ADAMTSL1: variants seen among roughly 807,000 people sequenced by gnomAD.
ADAMTSL1 encodes ADAMTS-like protein 1.
ADAMTSL1 carries 126 observed loss-of-function variants against 201.8 expected under a neutral mutation model. That is an observed-to-expected ratio of 0.62 (90% CI 0.54 to 0.72). The LOEUF is 0.72. ADAMTSL1 is among the 30% of genes least tolerant of loss of function. The probability of loss-of-function intolerance (pLI) is 0.00; values close to 1 mark genes in which losing one functional copy is unlikely to be tolerated. For synonymous variants in ADAMTSL1, 1,121 were observed against 903.4 expected, an observed-to-expected ratio of 1.24 and a Z score of -4.32; for missense variants, 2,679 against 2,277.8, an observed-to-expected ratio of 1.18 and a Z score of -3.59.
chr9:18,102,235 T>C (rs1271103602), intron 1 of ADAMTSL1, among the ~76,000 whole-genome samples: 1 of 152,232 alleles, frequency 6.6e-6, no homozygotes, highest in Non-Finnish European at 1.5e-5. Flanking sequence ...ATGGTTTTTT[T>C]CTGCCATTTA....
rs565765803 is a variant in ADAMTSL1 at position 18,139,146 on chromosome 9, C to T, written c.88-24716C>T. Reference sequence around the variant, plus strand: ...CTGATTGACTGATTGATTCAGCAAACCTTGAACCTTATGGAATTGTGATTC... The same window carrying T: ...CTGATTGACTGATTGATTCAGCAAATCTTGAACCTTATGGAATTGTGATTC... On this transcript the variant is annotated intron_variant, in intron 1 of 29. Coordinates refer to the ADAMTSL1 transcript ENST00000680146. Among the ~76,000 whole-genome samples, 12 of 152,176 alleles carry T rather than the reference C, an allele frequency of 7.9e-5. No homozygotes were observed. In the South Asian group the frequency reaches 2.5e-3, roughly 32 times the overall value.
At chr9:18,350,375 A>G (rs569376532) in intron 2 of ADAMTSL1, among the ~76,000 whole-genome samples, 16 of 152,248 alleles carry the variant, frequency 1.1e-4, no homozygotes, top group East Asian at 7.7e-4. Context: ...TTTGGGCCCA[A>G]TGTAAAAAAT....
chr9:18,287,629 ACG>A (rs1368831715), intron 2 of ADAMTSL1, among the ~76,000 whole-genome samples: 7 of 140,438 alleles, frequency 5.0e-5, no homozygotes, highest in African/African-American at 1.8e-4. Flanking sequence ...GTATACATAT[ACG>A]CATATATGTA....
chr9:18,849,525 G>T (rs897965778), intron 23 of ADAMTSL1, among the ~76,000 whole-genome samples: 2 of 152,200 alleles, frequency 1.3e-5, no homozygotes, highest in Non-Finnish European at 2.9e-5. Flanking sequence ...ATGGTCAAAG[G>T]TTAGGTAAAA....
intron 1 of ADAMTSL1, among the ~76,000 whole-genome samples, chr9:18,005,750 C>A (rs1819791019): frequency 6.6e-6 from 1 of 151,988 alleles, no homozygotes; most frequent in South Asian, 2.1e-4. Context: ...GCAGAACAGT[C>A]TTTAGTTTCT....
chr9:18,895,086 T>C (rs1200277433), intron 26 of ADAMTSL1, among the ~76,000 whole-genome samples: 2 of 152,162 alleles, frequency 1.3e-5, no homozygotes, highest in Admixed American at 1.3e-4. Flanking sequence ...TGTAACTCTG[T>C]GAATGGCAGT....
chr9:18,777,744 C>T lies in ADAMTSL1; in HGVS notation c.3515C>T (p.Ala1172Val). The T allele has an allele frequency of 6.2e-7, 1 of 1,613,618 alleles. No homozygotes were observed. The highest frequency in any genetic ancestry group is 1.1e-5 in the South Asian group (1 of 91,018). Reference protein sequence around the residue: ...RKPTILRKISAAQQLSASEVV... With the variant: ...RKPTILRKISVAQQLSASEVV... ...CCCACCATCCTGCGCAAGATCTCAG[C>T]GGCCCAGCAGCTCTCAGCCTCGGAG... The change falls in exon 19 of 29, where the codon GCG (alanine) becomes GTG (valine). Residue 1172 changes from alanine (A) to valine (V), a missense_variant. Physicochemically the swap from Ala to Val is moderately conservative, Grantham distance 64. Transcript: ENST00000380548.
rs533178004 is a variant in ADAMTSL1, at chr9:18,898,054, T to C, written c.4851+5458T>C. ...AAAAAAAAAAGTTAGCCAGGCATTG[T>C]GGCGGGCACCTGTAGCCCCAACTAC... On this transcript the variant is annotated intron_variant, in intron 26 of 28. Coordinates refer to ENST00000380548, the MANE Select transcript of ADAMTSL1 (RefSeq NM_001040272.6). 4.7e-5 allele frequency among the ~76,000 whole-genome samples: 7 copies of C among 149,094 alleles called. No individual in the cohort carries two copies. The South Asian group carries it at 8.4e-4, about 18-fold the overall frequency.
intron 2 of ADAMTSL1, among the ~76,000 whole-genome samples, chr9:18,324,037 G>A (rs1312595612): frequency 6.6e-6 from 1 of 152,004 alleles, no homozygotes; most frequent in Non-Finnish European, 1.5e-5. Context: ...TTGAAATGAA[G>A]AATGAGATTA....
intron 2 of ADAMTSL1, among the ~76,000 whole-genome samples, chr9:18,459,872 TG>T (rs1278392094): frequency 4.6e-5 from 7 of 151,946 alleles, no homozygotes; most frequent in Non-Finnish European, 1.0e-4. Flanking sequence ...AATCAAAAAT[TG>T]ACAAAGAAAC....
At chr9:17,975,546 A>G (rs755308753) in intron 1 of ADAMTSL1, among the ~76,000 whole-genome samples, 3 of 152,012 alleles carry the variant, frequency 2.0e-5, no homozygotes, top group Non-Finnish European at 4.4e-5. Context: ...TTCATAGTTA[A>G]CTATGGCCAT....
intron 1 of ADAMTSL1, among the ~76,000 whole-genome samples, chr9:17,979,862 C>G (rs766036366): frequency 2.0e-4 from 31 of 152,156 alleles, no homozygotes; most frequent in Non-Finnish European, 4.0e-4. Flanking sequence ...TGCCAGAGTC[C>G]TTGGGTAGGC....
intron 5 of ADAMTSL1, among the ~76,000 whole-genome samples, chr9:18,629,969 T>G (rs996456768): frequency 1.5e-5 from 2 of 137,220 alleles, no homozygotes; most frequent in African/African-American, 6.1e-5. Context: ...TTTTTCACTT[T>G]AATATGTGCT....
rs960881940 is a variant in ADAMTSL1 at position 17,922,641 on chromosome 9, T to C, written c.87+15719T>C. On this transcript the variant is annotated intron_variant, in intron 1 of 29. Transcript: ENST00000680146. ...GTGTCTTATTTACAGATGAGAGAGGTAAGGTCTTAGAAAGTTGAGTTGACT... is the reference window on the plus strand; with the variant it reads ...GTGTCTTATTTACAGATGAGAGAGGCAAGGTCTTAGAAAGTTGAGTTGACT... Among the ~76,000 whole-genome samples, 5 of 152,134 alleles carry C rather than the reference T, an allele frequency of 3.3e-5. No homozygotes were observed. The South Asian group carries it at 1.0e-3, about 32-fold the overall frequency.
chr9:18,564,211 G>A (rs1203472035), intron 3 of ADAMTSL1, among the ~76,000 whole-genome samples: 1 of 152,212 alleles, frequency 6.6e-6, no homozygotes, highest in African/African-American at 2.4e-5. Flanking sequence ...GGCTGGGCCG[G>A]ATAGCACCGT....
Position 18,381,474 on chromosome 9 carries a change from A to G in ADAMTSL1, c.208-123355A>G, listed in dbSNP as rs139938715. 7.4e-4 allele frequency among the ~76,000 whole-genome samples: 112 copies of G among 152,346 alleles called. 1 individual carries two copies. The highest frequency in any genetic ancestry group is 2.2e-3 in the African/African-American group (91 of 41,590). On this transcript the variant is annotated intron_variant, in intron 2 of 29. Coordinates refer to the ADAMTSL1 transcript ENST00000680146. ...AAAAGTTAAGGTTCTTGCCCAAGGC[A>G]TTATGCCTATTTTAGAATAGGGCCT...
chr9:18,116,420 T>C (rs1825251359), intron 1 of ADAMTSL1, among the ~76,000 whole-genome samples: 1 of 152,182 alleles, frequency 6.6e-6, no homozygotes, highest in South Asian at 2.1e-4. Context: ...ATATTGAGTA[T>C]TCTGAATAAG....
At chr9:18,390,560 A>G (rs758834929) in intron 2 of ADAMTSL1, among the ~76,000 whole-genome samples, 2 of 152,242 alleles carry the variant, frequency 1.3e-5, no homozygotes, top group African/African-American at 2.4e-5. Flanking sequence ...TCTGGAGTGC[A>G]GCTATTTTCC....
intron 1 of ADAMTSL1, among the ~76,000 whole-genome samples, chr9:18,134,276 T>C (rs1587129197): frequency 6.6e-6 from 1 of 152,206 alleles, no homozygotes; most frequent in African/African-American, 2.4e-5. Flanking sequence ...TCCGGTGTGC[T>C]GCTACTTATT....
Sources: gnomAD v4.1 joint callset for allele counts (sites outside exome capture counted in the v4.1 genomes callset) on GRCh38, gnomAD v4.1.1 for gene constraint, MANE v1.5 for transcripts, NCBI Gene and HGNC (gene_info 2026-07-23, HGNC 2026-07-21) for gene names.